The following EPHA6 variants were observed in gnomAD, a reference collection of about 807,000 sequenced individuals.
EPHA6 encodes the protein ephrin type-A receptor 6.
EPHA6 carries 50 observed loss-of-function variants against 112.0 expected under a neutral mutation model. That is an observed-to-expected ratio of 0.45 (90% CI 0.36 to 0.56). The LOEUF is 0.56. Among genes scored for constraint, EPHA6 ranks in the 20% least tolerant of loss-of-function variants. The pLI is 0.00. For missense variants in EPHA6, 1,280 were observed against 1,417.4 expected (o/e 0.90, Z 1.56); for synonymous variants, 529 against 490.7 (o/e 1.08, Z -1.03).
chr3:96,884,935 G>T (rs188191456), intron 2 of EPHA6, among the ~76,000 whole-genome samples: 87 of 152,106 alleles, frequency 5.7e-4, no homozygotes, highest in Non-Finnish European at 1.0e-3. Flanking sequence ...AATCATAAAG[G>T]GATGCTGGAT....
Position 97,020,471 on chromosome 3 carries a change from C to T in EPHA6, c.1114+32478C>T, listed in dbSNP as rs944828535. Among the ~76,000 whole-genome samples, 3 of 152,060 alleles carry T rather than the reference C, an allele frequency of 2.0e-5. No homozygotes were observed. In the South Asian group the frequency reaches 6.2e-4, roughly 31 times the overall value. ...AATACTGAAATGGACCTGCAGAGTACCTAAGTCTGTTGGAGCATAGATGAA... is the reference window on the plus strand; with the variant it reads ...AATACTGAAATGGACCTGCAGAGTATCTAAGTCTGTTGGAGCATAGATGAA... On this transcript the variant is annotated intron_variant, in intron 3 of 17. Transcript: ENST00000389672.
chr3:97,581,548 C>T (rs984028043), intron 11 of EPHA6, among the ~76,000 whole-genome samples: 14 of 152,208 alleles, frequency 9.2e-5, no homozygotes, highest in African/African-American at 3.4e-4. Context: ...TAATTTTACA[C>T]ATGATAGAGA....
intron 6 of EPHA6, among the ~76,000 whole-genome samples, chr3:97,421,556 C>T (rs1350107192): frequency 6.6e-6 from 1 of 151,932 alleles, no homozygotes; most frequent in African/African-American, 2.4e-5. Flanking sequence ...TCAATTTTAC[C>T]CCAAATGATG....
chr3:96,990,953 T>A (rs1189831220), intron 3 of EPHA6, among the ~76,000 whole-genome samples: 2 of 151,512 alleles, frequency 1.3e-5, no homozygotes, highest in African/African-American at 4.9e-5. Context: ...ACTATTTTTC[T>A]TCTTGTCTAT....
In EPHA6 at chr3:97,759,707, G is replaced by A. The variant is rs2036110942; in HGVS notation, c.*11006G>A. 4.4e-6 allele frequency: 1 copy of A among 225,600 alleles called. No individual in the cohort carries two copies. Among genetic ancestry groups the A allele is most frequent in the Non-Finnish European group, 8.8e-6 (1 of 113,398 alleles). 14.0% of individuals were successfully genotyped at this position (225,600 alleles called of 1,614,324 possible). A position where few individuals can be genotyped will look rare whatever the true frequency, so the allele number is the denominator to read the frequency against. On this transcript the variant is annotated 3_prime_UTR_variant, in exon 18 of 18. Coordinates refer to ENST00000389672, the MANE Select transcript of EPHA6 (RefSeq NM_001080448.3). ...GAAAGGGAAGGATGTCACTACGTAAGTTTTTTTTTAATTTTACCAAGAATG... is the reference window on the plus strand; with the variant it reads ...GAAAGGGAAGGATGTCACTACGTAAATTTTTTTTTAATTTTACCAAGAATG...
chr3:97,382,444 A>G (rs978811925), intron 5 of EPHA6, among the ~76,000 whole-genome samples: 2 of 152,056 alleles, frequency 1.3e-5, no homozygotes, highest in Non-Finnish European at 2.9e-5. Flanking sequence ...GAAGACTTTG[A>G]AGTTTTAAAT....
chr3:97,536,801 AC>A (rs1485311351), intron 11 of EPHA6, among the ~76,000 whole-genome samples: 1 of 152,156 alleles, frequency 6.6e-6, no homozygotes, highest in Admixed American at 6.6e-5. Flanking sequence ...CTGCTGCTCT[AC>A]CTGGTTATAT....
intron 2 of EPHA6, among the ~76,000 whole-genome samples, chr3:96,978,484 G>A (rs908484390): frequency 6.6e-6 from 1 of 151,998 alleles, no homozygotes; most frequent in Non-Finnish European, 1.5e-5. Flanking sequence ...AATTCCATAG[G>A]CTTTTAGATC....
intron 5 of EPHA6, among the ~76,000 whole-genome samples, chr3:97,314,684 G>C (rs2081728387): frequency 6.6e-6 from 1 of 151,598 alleles, no homozygotes; most frequent in African/African-American, 2.4e-5. Flanking sequence ...TTGATGGGAA[G>C]AAACAAATTA....
intron 15 of EPHA6, among the ~76,000 whole-genome samples, chr3:97,732,202 C>G (rs2035066500): frequency 6.6e-6 from 1 of 151,736 alleles, no homozygotes; most frequent in Admixed American, 6.6e-5. Flanking sequence ...CACCATTCCT[C>G]TCTTTGAAGA....
intron 5 of EPHA6, among the ~76,000 whole-genome samples, chr3:97,318,884 T>C (rs1559877910): frequency 1.3e-5 from 2 of 151,986 alleles, no homozygotes; most frequent in African/African-American, 2.4e-5. Flanking sequence ...TTGAGATTCC[T>C]TCTATTTATT....
intron 5 of EPHA6, among the ~76,000 whole-genome samples, chr3:97,400,882 C>T (rs950497681): frequency 3.3e-5 from 5 of 151,716 alleles, no homozygotes; most frequent in African/African-American, 7.2e-5. Context: ...TTTACTTCCT[C>T]CTTTCCAATT....
At chr3:97,251,673 T>C (rs2108598398) in intron 5 of EPHA6, among the ~76,000 whole-genome samples, 1 of 152,296 alleles carries the variant, frequency 6.6e-6, no homozygotes, top group Middle Eastern at 3.4e-3. Context: ...CAGGCAGAAA[T>C]TCCACAGACC....
intron 1 of EPHA6, among the ~76,000 whole-genome samples, chr3:96,861,216 A>G (rs1344412069): frequency 1.3e-5 from 2 of 152,260 alleles, no homozygotes; most frequent in African/African-American, 2.4e-5. Context: ...GAACATTTCT[A>G]GTAATATTTT....
chr3:96,901,112 T>C (rs1201528583), intron 2 of EPHA6, among the ~76,000 whole-genome samples: 1 of 152,172 alleles, frequency 6.6e-6, no homozygotes, highest in Admixed American at 6.5e-5. Context: ...CATTTGGTCT[T>C]TGGGGGCAAC....
At chr3:97,714,165 G>T (rs1289978336) in intron 14 of EPHA6, among the ~76,000 whole-genome samples, 2 of 152,172 alleles carry the variant, frequency 1.3e-5, no homozygotes, top group Non-Finnish European at 2.9e-5. Context: ...ATGCTGATCT[G>T]GGCTGGAAGC....
intron 2 of EPHA6, among the ~76,000 whole-genome samples, chr3:96,933,434 T>C (rs988747206): frequency 2.7e-5 from 4 of 146,750 alleles, no homozygotes; most frequent in African/African-American, 1.1e-4. Flanking sequence ...AAAACTTTAG[T>C]TTAACTATTT....
At chr3:97,009,562 G>A (rs923562907) in intron 3 of EPHA6, among the ~76,000 whole-genome samples, 2 of 152,176 alleles carry the variant, frequency 1.3e-5, no homozygotes, top group Non-Finnish European at 1.5e-5. Context: ...CCCACTGCTG[G>A]TTGCTTCCTC....
chr3:96,918,827 G>A (rs531914423), intron 2 of EPHA6, among the ~76,000 whole-genome samples: 74 of 151,888 alleles, frequency 4.9e-4, no homozygotes, highest in Non-Finnish European at 8.6e-4. Context: ...TAATGTTTGC[G>A]CTTAAAAGTA....
Sources: allele counts gnomAD v4.1 joint callset (sites outside exome capture counted in the v4.1 genomes callset), GRCh38; gene constraint gnomAD v4.1.1; transcripts MANE v1.5; gene names NCBI Gene and HGNC (gene_info 2026-07-23, HGNC 2026-07-21).